Variants in GALNTL6 observed in about 807,000 individuals in gnomAD.
GALNTL6 encodes the protein polypeptide N-acetylgalactosaminyltransferase like 6.
GALNTL6 carries 46 observed loss-of-function variants against 73.7 expected under a neutral mutation model. The ratio of observed to expected loss-of-function variants is 0.62; its 90% CI spans 0.49 to 0.80. GALNTL6 has a LOEUF of 0.80. Among genes scored for constraint, GALNTL6 ranks in the 30% least tolerant of loss-of-function variants. GALNTL6 has a pLI of 0.00. For missense variants in GALNTL6, 604 were observed against 755.0 expected (o/e 0.80, Z 2.34); for synonymous variants, 259 against 263.7 (o/e 0.98, Z 0.17).
At chr4:172,457,882 C>T (rs1250547660) in intron 5 of GALNTL6, among the ~76,000 whole-genome samples, 2 of 152,180 alleles carry the variant, frequency 1.3e-5, no homozygotes, top group East Asian at 1.9e-4. Context: ...CTACAGAACT[C>T]TCCACCCCAA....
chr4:172,472,884 G>A (rs532885721), intron 5 of GALNTL6, among the ~76,000 whole-genome samples: 49 of 152,184 alleles, frequency 3.2e-4, no homozygotes, highest in African/African-American at 1.1e-3. Flanking sequence ...GTTGCTTTAA[G>A]CCCCCCATTT....
intron 5 of GALNTL6, among the ~76,000 whole-genome samples, chr4:172,630,613 T>C (rs909518314): frequency 5.3e-5 from 8 of 151,990 alleles, no homozygotes; most frequent in Admixed American, 2.0e-4. Context: ...CCAATCCTCA[T>C]CTTTTCTTTT....
chr4:172,833,205 C>G (rs1742733341), intron 7 of GALNTL6, among the ~76,000 whole-genome samples: 1 of 152,196 alleles, frequency 6.6e-6, no homozygotes, highest in African/African-American at 2.4e-5. Flanking sequence ...ATATTGCATC[C>G]AGCTTATACA....
intron 8 of GALNTL6, among the ~76,000 whole-genome samples, chr4:172,897,508 C>G (rs186474304): frequency 6.6e-6 from 1 of 152,172 alleles, no homozygotes; most frequent in South Asian, 2.1e-4. Context: ...AATAAGCTAA[C>G]GTGCGAGGGT....
At chr4:171,976,503 A>T (rs1439094603) in intron 2 of GALNTL6, among the ~76,000 whole-genome samples, 1 of 152,196 alleles carries the variant, frequency 6.6e-6, no homozygotes, top group South Asian at 2.1e-4. Flanking sequence ...CAAAAATTAC[A>T]TAGGTTTTGT....
At chr4:172,060,821 T>TA in intron 2 of GALNTL6, among the ~76,000 whole-genome samples, 1 of 152,202 alleles carries the variant, frequency 6.6e-6, no homozygotes, top group Admixed American at 6.5e-5. Flanking sequence ...GAATGGCTAA[T>TA]ACGTACAATG....
chr4:171,975,944 C>T (rs375367235), intron 2 of GALNTL6, among the ~76,000 whole-genome samples: 20 of 151,770 alleles, frequency 1.3e-4, no homozygotes, highest in East Asian at 1.2e-3. Flanking sequence ...TTTTTTAAGA[C>T]GGAATTTTCC....
At chr4:171,971,758 C>T (rs762553881) in intron 2 of GALNTL6, among the ~76,000 whole-genome samples, 2 of 151,986 alleles carry the variant, frequency 1.3e-5, no homozygotes, top group Non-Finnish European at 2.9e-5. Context: ...TGATATGTAA[C>T]CAAAAATTGT....
rs1035432302 is a variant in GALNTL6 at position 172,029,473 on chromosome 4, A to C, written c.139-200183A>C. ...ATCTATATGGTCTTGTACAAGCTAC[A>C]AATTCCCTCACAATTTCATTTTCTA... On this transcript the variant is annotated intron_variant, in intron 2 of 12. Coordinates refer to ENST00000506823, the MANE Select transcript of GALNTL6 (RefSeq NM_001034845.3). Among the ~76,000 whole-genome samples, 7 of 152,084 alleles carry C rather than the reference A, an allele frequency of 4.6e-5. 1 individual carries two copies. In the East Asian group the frequency reaches 1.3e-3, roughly 29 times the overall value.
chr4:171,884,792 A>G (rs1016335399), intron 2 of GALNTL6, among the ~76,000 whole-genome samples: 40 of 152,262 alleles, frequency 2.6e-4, no homozygotes, highest in African/African-American at 8.4e-4. Flanking sequence ...ACAGTGGCTC[A>G]TGCATGTAAT....
chr4:172,260,548 A>G (rs900115682), intron 3 of GALNTL6, among the ~76,000 whole-genome samples: 7 of 151,458 alleles, frequency 4.6e-5, no homozygotes, highest in African/African-American at 9.7e-5. Context: ...TATCTTTGGC[A>G]AACAGCTACA....
At chr4:172,953,736 T>C (rs1412423516) in intron 10 of GALNTL6, among the ~76,000 whole-genome samples, 2 of 152,236 alleles carry the variant, frequency 1.3e-5, no homozygotes, top group African/African-American at 4.8e-5. Context: ...CATCTCCTCA[T>C]GGTTTTTGCA....
intron 2 of GALNTL6, among the ~76,000 whole-genome samples, chr4:172,050,735 A>G (rs1730830160): frequency 6.6e-6 from 1 of 151,962 alleles, no homozygotes; most frequent in East Asian, 1.9e-4. Context: ...TTCCTTATAT[A>G]CTTCTCCAGG....
chr4:172,465,704 CT>C, intron 5 of GALNTL6, among the ~76,000 whole-genome samples: 1 of 152,280 alleles, frequency 6.6e-6, no homozygotes, highest in African/African-American at 2.4e-5. Context: ...TGCAAATAAT[CT>C]TACATACCTG....
intron 5 of GALNTL6, among the ~76,000 whole-genome samples, chr4:172,375,881 A>G (rs988968467): frequency 6.6e-6 from 1 of 152,184 alleles, no homozygotes; most frequent in African/African-American, 2.4e-5. Flanking sequence ...CCCGTGTCCT[A>G]TAAAGATGTT....
At chr4:172,221,515 T>G (rs1214574566) in intron 2 of GALNTL6, among the ~76,000 whole-genome samples, 1 of 151,702 alleles carries the variant, frequency 6.6e-6, no homozygotes, top group African/African-American at 2.4e-5. Flanking sequence ...GCTTTTATGT[T>G]TCTACAGAAA....
At chr4:172,562,727 C>T (rs1736419391) in intron 5 of GALNTL6, among the ~76,000 whole-genome samples, 1 of 152,224 alleles carries the variant, frequency 6.6e-6, no homozygotes, top group Non-Finnish European at 1.5e-5. Context: ...TTCACTGCCT[C>T]TGTCTCAGTG....
intron 4 of GALNTL6, among the ~76,000 whole-genome samples, chr4:172,325,516 G>A (rs1490004054): frequency 6.6e-6 from 1 of 152,026 alleles, no homozygotes; most frequent in East Asian, 1.9e-4. Context: ...AAGTAGCAGT[G>A]AAATGAGGCT....
At chr4:172,018,455 C>T (rs1446285582) in intron 2 of GALNTL6, among the ~76,000 whole-genome samples, 1 of 151,950 alleles carries the variant, frequency 6.6e-6, no homozygotes, top group Non-Finnish European at 1.5e-5. Context: ...GTATGGCTGC[C>T]TCTGCTGTGC....
Sources: allele counts gnomAD v4.1 joint callset (sites outside exome capture counted in the v4.1 genomes callset), GRCh38; gene constraint gnomAD v4.1.1; transcripts MANE v1.5; gene names NCBI Gene and HGNC (gene_info 2026-07-23, HGNC 2026-07-21).